The following SHOC2 variants were observed in gnomAD, a reference collection of about 807,000 sequenced individuals.
SHOC2 encodes SHOC2 leucine rich repeat scaffold protein, also known as leucine-rich repeat protein SHOC-2.
In SHOC2, 4 loss-of-function variants were observed where a neutral mutation model predicts 50.2. The observed-to-expected ratio is 0.08, with a 90% CI of 0.04 to 0.18. The LOEUF is 0.18. Among genes scored for constraint, SHOC2 ranks in the 10% least tolerant of loss-of-function variants. SHOC2 has a pLI of 1.00. For synonymous variants in SHOC2, 218 were observed against 244.5 expected, an observed-to-expected ratio of 0.89 and a Z score of 1.01; for missense variants, 388 against 669.6, an observed-to-expected ratio of 0.58 and a Z score of 4.64.
chr10:110,928,082 C>T (rs750674453), intron 1 of SHOC2, among the ~76,000 whole-genome samples: 3 of 151,938 alleles, frequency 2.0e-5, no homozygotes, highest in Admixed American at 6.6e-5. Context: ...TTTGGGAGGC[C>T]GAGGCGGGTG....
chr10:110,963,621 A>G (rs1198782788), intron 1 of SHOC2, among the ~76,000 whole-genome samples: 1 of 152,182 alleles, frequency 6.6e-6, no homozygotes, highest in African/African-American at 2.4e-5. Flanking sequence ...GTAGTGGGTT[A>G]GGAACATAGG....
At chr10:110,958,801 C>T (rs977489209) in intron 1 of SHOC2, among the ~76,000 whole-genome samples, 1 of 151,886 alleles carries the variant, frequency 6.6e-6, no homozygotes, top group African/African-American at 2.4e-5. Context: ...TCAGACATTA[C>T]CCTGAATCCC....
At chr10:110,954,270 A>G (rs537749298) in intron 1 of SHOC2, among the ~76,000 whole-genome samples, 4 of 151,996 alleles carry the variant, frequency 2.6e-5, no homozygotes, top group Non-Finnish European at 4.4e-5. Context: ...TACATGTTTT[A>G]TTTTCTGATT....
At chr10:110,924,667 G>A (rs1161919532) in intron 1 of SHOC2, among the ~76,000 whole-genome samples, 1 of 151,860 alleles carries the variant, frequency 6.6e-6, no homozygotes, top group African/African-American at 2.4e-5. Context: ...CTGTGAAAAG[G>A]GAAAAATTTT....
At chr10:110,931,718 A>G (rs1225036861) in intron 1 of SHOC2, among the ~76,000 whole-genome samples, 1 of 151,958 alleles carries the variant, frequency 6.6e-6, no homozygotes, top group Admixed American at 6.6e-5. Flanking sequence ...TGTGCTCAAT[A>G]AAAGGTTCAT....
intron 1 of SHOC2, among the ~76,000 whole-genome samples, chr10:110,956,121 T>C (rs1282375091): frequency 1.3e-5 from 2 of 152,142 alleles, no homozygotes; most frequent in East Asian, 1.9e-4. Context: ...AATAGCTTCC[T>C]CTGGTATCTG....
At chr10:110,935,140 A>G (rs957502807) in intron 1 of SHOC2, among the ~76,000 whole-genome samples, 63 of 152,200 alleles carry the variant, frequency 4.1e-4, no homozygotes, top group African/African-American at 1.3e-3. Context: ...AATATCTAAC[A>G]CTTACGTAGT....
At chr10:110,969,595 T>G (rs965982595) in intron 2 of SHOC2, among the ~76,000 whole-genome samples, 1 of 152,176 alleles carries the variant, frequency 6.6e-6, no homozygotes, top group Non-Finnish European at 1.5e-5. Context: ...AATATTCCTG[T>G]GATTTCTTTT....
intron 2 of SHOC2, among the ~76,000 whole-genome samples, chr10:110,978,057 T>C (rs560056632): frequency 2.4e-4 from 36 of 152,356 alleles, no homozygotes; most frequent in African/African-American, 8.7e-4. Flanking sequence ...TAAAATCGTT[T>C]GCCCTAACTT....
At chr10:110,980,592 C>A (rs1179869512) in intron 2 of SHOC2, among the ~76,000 whole-genome samples, 1 of 152,140 alleles carries the variant, frequency 6.6e-6, no homozygotes, top group African/African-American at 2.4e-5. Context: ...CCATTCAAAC[C>A]TAGAGAAAAC....
chr10:110,926,567 A>C (rs1439528038), intron 1 of SHOC2, among the ~76,000 whole-genome samples: 1 of 152,240 alleles, frequency 6.6e-6, no homozygotes. Flanking sequence ...GAAAAACTCG[A>C]AAAGCCAGAT....
intron 1 of SHOC2, among the ~76,000 whole-genome samples, chr10:110,952,565 A>G (rs1847376970): frequency 1.3e-5 from 2 of 150,692 alleles, no homozygotes; most frequent in African/African-American, 4.9e-5. Context: ...TTTTAAGTTT[A>G]CTTTAAGTTC....
At chr10:111,008,589 G>C (rs1410940539) in intron 6 of SHOC2, among the ~76,000 whole-genome samples, 1 of 152,022 alleles carries the variant, frequency 6.6e-6, no homozygotes, top group Non-Finnish European at 1.5e-5. Flanking sequence ...CTTGCAAATA[G>C]TAAAATCAAG....
chr10:110,981,129 A>G (rs1210450750), intron 2 of SHOC2, among the ~76,000 whole-genome samples: 1 of 152,220 alleles, frequency 6.6e-6, no homozygotes, highest in Non-Finnish European at 1.5e-5. Context: ...ATGAAGATCC[A>G]AAAGAATGGC....
intron 2 of SHOC2, among the ~76,000 whole-genome samples, chr10:110,976,029 G>T (rs1847872809): frequency 6.6e-6 from 1 of 151,940 alleles, no homozygotes. Context: ...TCCTGCTTCA[G>T]CCTCCCAAGT....
intron 2 of SHOC2, among the ~76,000 whole-genome samples, chr10:110,984,602 A>G (rs1442842144): frequency 1.3e-5 from 2 of 152,116 alleles, no homozygotes; most frequent in African/African-American, 4.8e-5. Flanking sequence ...GCTTTTCTGT[A>G]TCTCCAACCT....
At chr10:110,966,169 A>G (rs1197019939) in intron 2 of SHOC2, among the ~76,000 whole-genome samples, 1 of 152,062 alleles carries the variant, frequency 6.6e-6, no homozygotes, top group Non-Finnish European at 1.5e-5. Flanking sequence ...TTTAGGTATG[A>G]CTTGTTACAT....
intron 4 of SHOC2, among the ~76,000 whole-genome samples, chr10:111,002,097 T>C (rs867186994): frequency 8.5e-5 from 13 of 152,262 alleles, no homozygotes; most frequent in Non-Finnish European, 1.3e-4. Flanking sequence ...TCCAGTCTTA[T>C]TGTCAGTGAA....
In SHOC2 at chr10:110,964,446, G is replaced by C; in HGVS notation, c.88G>C (p.Ala30Pro). 1 of 1,613,678 alleles carries C rather than the reference G, an allele frequency of 6.2e-7. No homozygotes were observed. Among genetic ancestry groups the C allele is most frequent in the Non-Finnish European group, 8.5e-7 (1 of 1,179,908 alleles). The change falls in exon 2 of 9, where the codon GCC becomes CCC. Residue 30 changes from alanine (A) to proline (P), a missense_variant. Ala to Pro is a conservative substitution (Grantham distance 27). Transcript: ENST00000369452. This position sits in a 1 kb window ranked among gnomAD's most constrained non-coding sequence, Gnocchi z 4.9. Reference sequence around the variant, plus strand: ...CAAGGAAAGAGAAAAGGAGGCAAAAGCCTCTGGAGGTTTTGGGAAAGAGAG... The same window carrying C: ...CAAGGAAAGAGAAAAGGAGGCAAAACCCTCTGGAGGTTTTGGGAAAGAGAG... ...SAKEREKEAKASGGFGKESKE... is the reference protein window; with the variant it reads ...SAKEREKEAKPSGGFGKESKE...
Sources: gnomAD v4.1 joint callset for allele counts (sites outside exome capture counted in the v4.1 genomes callset) on GRCh38, gnomAD v4.1.1 for gene constraint, Gnocchi (gnomAD v3.1) non-coding constraint, MANE v1.5 for transcripts, NCBI Gene and HGNC (gene_info 2026-07-23, HGNC 2026-07-21) for gene names.